AGAP1: variants seen among roughly 807,000 people sequenced by gnomAD.
The protein encoded by AGAP1 is ArfGAP with GTPase domain, ankyrin repeat and PH domain 1.
In AGAP1, 29 loss-of-function variants were observed where a neutral mutation model predicts 105.3. The ratio of observed to expected loss-of-function variants is 0.28; its 90% CI spans 0.21 to 0.38. The LOEUF (loss-of-function observed/expected upper bound fraction) is 0.38. AGAP1 is among the 10% of genes least tolerant of loss of function. AGAP1 has a pLI of 1.00. For synonymous variants in AGAP1, 509 were observed against 485.9 expected, an observed-to-expected ratio of 1.05 and a Z score of -0.63; for missense variants, 998 against 1,165.1, an observed-to-expected ratio of 0.86 and a Z score of 2.09.
At chr2:235,730,477 TAA>T (rs11388954) in intron 3 of AGAP1, among the ~76,000 whole-genome samples, 11 of 123,868 alleles carry the variant, frequency 8.9e-5, no homozygotes, top group Non-Finnish European at 1.3e-4. Context: ...GTTTACCTTT[TAA>T]AAAAAAAAAA....
chr2:235,535,798 C>G lies in AGAP1; in HGVS notation c.163+40949C>G, dbSNP rs958460316. ...GCAGTGGGCTCAGTCTCTGCATAGC[C>G]CGGCAGGCAGCGGCTCTGCTTTCCA... On this transcript the variant is annotated intron_variant, in intron 1 of 17. Coordinates refer to ENST00000304032, the MANE Select transcript of AGAP1 (RefSeq NM_001037131.3). This position sits in a 1 kb window ranked among gnomAD's most constrained non-coding sequence, Gnocchi z 5.1. 2.6e-5 allele frequency among the ~76,000 whole-genome samples: 4 copies of G among 151,944 alleles called. No homozygotes were observed. The highest frequency in any genetic ancestry group is 6.6e-5 in the Admixed American group (1 of 15,252).
chr2:236,025,911 GAT>G (rs2057037151), intron 13 of AGAP1, among the ~76,000 whole-genome samples: 34 of 146,914 alleles, frequency 2.3e-4, no homozygotes, highest in African/African-American at 5.1e-4. Context: ...CGGGTGGGTG[GAT>G]GGATGGATGG....
chr2:236,022,865 T>C (rs1465491117), intron 13 of AGAP1, among the ~76,000 whole-genome samples: 2 of 152,196 alleles, frequency 1.3e-5, no homozygotes, highest in African/African-American at 2.4e-5. Context: ...ATCAGTCTTT[T>C]CCTACAAAAA....
intron 9 of AGAP1, among the ~76,000 whole-genome samples, chr2:235,835,207 C>G (rs1959992153): frequency 6.6e-6 from 1 of 152,172 alleles, no homozygotes; most frequent in South Asian, 2.1e-4. Flanking sequence ...TGGATTTTGT[C>G]ACTCCTTCAG....
At position 236,121,827 on chromosome 2, in the gene AGAP1, G is replaced by A. The variant is rs1559296909; in HGVS notation, c.2370+1380G>A. 6.6e-6 allele frequency among the ~76,000 whole-genome samples: 1 copy of A among 152,188 alleles called. No individual in the cohort carries two copies. Among genetic ancestry groups the A allele is most frequent in the Non-Finnish European group, 1.5e-5 (1 of 68,040 alleles). ...ACAGTTCTGGAGGCTGGAAGTACAA[G>A]ATCAAAGGGCCAGCAGGAATGGTTC... On this transcript the variant is annotated intron_variant, in intron 17 of 17. Coordinates refer to ENST00000304032, the MANE Select transcript of AGAP1 (RefSeq NM_001037131.3). This position sits in a 1 kb window ranked among gnomAD's most constrained non-coding sequence, Gnocchi z 4.9.
chr2:235,561,803 G>A (rs1024470543), intron 1 of AGAP1, among the ~76,000 whole-genome samples: 4 of 152,188 alleles, frequency 2.6e-5, no homozygotes, highest in Non-Finnish European at 5.9e-5. Flanking sequence ...TGACAGATCG[G>A]AGCCTAAGCC....
chr2:235,714,947 G>GCCA lies in AGAP1; in HGVS notation c.223-2605_223-2603dup, dbSNP rs1431209190. ...TGAGTAGCTGGGACTACAGGCGTGT[G>GCCA]CCACCACGCCTTGTTATTTTTTTGT... On this transcript the variant is annotated intron_variant, in intron 2 of 17. Coordinates refer to ENST00000304032, the MANE Select transcript of AGAP1 (RefSeq NM_001037131.3). This position sits in a 1 kb window ranked among gnomAD's most constrained non-coding sequence, Gnocchi z 4.1. Among the ~76,000 whole-genome samples, 1 of 152,082 alleles carries GCCA rather than the reference G, an allele frequency of 6.6e-6. No homozygotes were observed. The highest frequency in any genetic ancestry group is 1.5e-5 in the Non-Finnish European group (1 of 68,014).
At chr2:235,861,456 G>A (rs2048924599) in intron 9 of AGAP1, among the ~76,000 whole-genome samples, 1 of 152,202 alleles carries the variant, frequency 6.6e-6, no homozygotes, top group South Asian at 2.1e-4. Flanking sequence ...CTTGTTGATA[G>A]CAACAGCATG....
Position 236,055,953 on chromosome 2 carries a change from T to C in AGAP1, c.2114+6672T>C, listed in dbSNP as rs2058040916. Among the ~76,000 whole-genome samples, 1 of 152,188 alleles carries C rather than the reference T, an allele frequency of 6.6e-6. No individual in the cohort carries two copies. The highest frequency in any genetic ancestry group is 1.5e-5 in the Non-Finnish European group (1 of 68,044). ...GATCAGAAATATTCTGCTATAAATA[T>C]TAAGCCAATTAGGAAAATGTACAAA... On this transcript the variant is annotated intron_variant, in intron 16 of 17. Coordinates refer to ENST00000304032, the MANE Select transcript of AGAP1 (RefSeq NM_001037131.3). This position sits in a 1 kb window ranked among gnomAD's most constrained non-coding sequence, Gnocchi z 6.2.
In AGAP1 at chr2:235,992,393, A is replaced by G. The variant is rs952566316; in HGVS notation, c.1645+23770A>G. 1.3e-5 allele frequency among the ~76,000 whole-genome samples: 2 copies of G among 152,258 alleles called. No individual in the cohort carries two copies. The highest frequency in any genetic ancestry group is 2.1e-4 in the South Asian group (1 of 4,820). On this transcript the variant is annotated intron_variant, in intron 13 of 17. Coordinates refer to ENST00000304032, the MANE Select transcript of AGAP1 (RefSeq NM_001037131.3). This position sits in a 1 kb window ranked among gnomAD's most constrained non-coding sequence, Gnocchi z 4.8. The stretch of plus-strand genomic sequence containing the variant: ...CAAGACTGTTGTCAGGATTCACTCA[A>G]TGAACTCCTGTGCTTTGAGTGTCTG...
chr2:235,765,692 ATTCCAAGC>A lies in AGAP1; in HGVS notation c.673+15205_673+15212del, dbSNP rs540324205. On this transcript the variant is annotated intron_variant, in intron 6 of 17. Transcript: ENST00000304032. ...CTGTGACTCATCCCCAGCCAACTGT[ATTCCAAGC>A]ACAGCCATAGTTCAGAGTGAATCTT... 8.2e-4 allele frequency among the ~76,000 whole-genome samples: 125 copies of A among 152,306 alleles called. 2 individuals carry two copies. In the East Asian group the frequency reaches 0.019, roughly 24 times the overall value.
rs535744502 is a variant in AGAP1 at position 236,049,704 on chromosome 2, T to C, written c.2114+423T>C. On this transcript the variant is annotated intron_variant, in intron 16 of 17. Transcript: ENST00000304032. ...CCCGCACCATCACACAAAAGTTATTTTTATGGTAACAAAATCTATTTTATT... is the reference window on the plus strand; with the variant it reads ...CCCGCACCATCACACAAAAGTTATTCTTATGGTAACAAAATCTATTTTATT... The C allele has an allele frequency of 3.0e-4, 46 of 154,098 alleles. 1 individual carries two copies. In the Middle Eastern group the frequency reaches 0.01, roughly 34 times the overall value. 9.5% of individuals were successfully genotyped at this position (154,098 alleles called of 1,614,324 possible).
intron 9 of AGAP1, among the ~76,000 whole-genome samples, chr2:235,836,375 T>C (rs886825075): frequency 2.0e-5 from 3 of 152,166 alleles, no homozygotes; most frequent in East Asian, 1.9e-4. Context: ...GCAGAATCCT[T>C]TGGGGGCCGA....
rs2057966990 is a variant in AGAP1, at chr2:236,053,479, T to A, written c.2114+4198T>A. 6.6e-6 allele frequency among the ~76,000 whole-genome samples: 1 copy of A among 152,376 alleles called. No homozygotes were observed. The highest frequency in any genetic ancestry group is 2.1e-4 in the South Asian group (1 of 4,826). On this transcript the variant is annotated intron_variant, in intron 16 of 17. Coordinates refer to ENST00000304032, the MANE Select transcript of AGAP1 (RefSeq NM_001037131.3). This position sits in a 1 kb window ranked among gnomAD's most constrained non-coding sequence, Gnocchi z 4.6. ...TTTCCGGGGCTGCACGGCAGCGCCC[T>A]GGCCCGTTGTTCTTTATTGTTGTCC...
intron 9 of AGAP1, among the ~76,000 whole-genome samples, chr2:235,816,363 G>C (rs1269837353): frequency 6.6e-6 from 1 of 150,556 alleles, no homozygotes; most frequent in African/African-American, 2.4e-5. Flanking sequence ...GCATGAACCC[G>C]GGAGGCGGAG....
At chr2:235,646,454 A>G (rs866204935) in intron 1 of AGAP1, among the ~76,000 whole-genome samples, 57 of 152,158 alleles carry the variant, frequency 3.7e-4, no homozygotes, top group Admixed American at 9.8e-4. Flanking sequence ...ACATTCTAAG[A>G]TGTGCCTCAG....
At chr2:235,537,677 T>C (rs1943285659) in intron 1 of AGAP1, among the ~76,000 whole-genome samples, 1 of 152,230 alleles carries the variant, frequency 6.6e-6, no homozygotes, top group East Asian at 1.9e-4. Flanking sequence ...CTTTCACACT[T>C]AAATTGTTGA....
rs888740835 is a variant in AGAP1, at chr2:235,609,384, G to A, written c.164-99795G>A. 4.6e-5 allele frequency among the ~76,000 whole-genome samples: 7 copies of A among 152,246 alleles called. No homozygotes were observed. The highest frequency in any genetic ancestry group is 3.9e-4 in the East Asian group (2 of 5,162). ...GGGCAGGGAGAGCTTCAGAATGAGCGGGAAGCCTCCACAACAGGTGGAGAA... is the reference window on the plus strand; with the variant it reads ...GGGCAGGGAGAGCTTCAGAATGAGCAGGAAGCCTCCACAACAGGTGGAGAA... On this transcript the variant is annotated intron_variant, in intron 1 of 17. Transcript: ENST00000304032. This position sits in a 1 kb window ranked among gnomAD's most constrained non-coding sequence, Gnocchi z 5.1.
At chr2:235,918,588 T>C (rs1342917725) in intron 11 of AGAP1, among the ~76,000 whole-genome samples, 1 of 152,228 alleles carries the variant, frequency 6.6e-6, no homozygotes, top group Admixed American at 6.5e-5. Context: ...TGTGGTATTG[T>C]TTCCATCATT....
Sources: allele counts gnomAD v4.1 joint callset (sites outside exome capture counted in the v4.1 genomes callset), GRCh38; gene constraint gnomAD v4.1.1; non-coding constraint Gnocchi (gnomAD v3.1); transcripts MANE v1.5; gene names NCBI Gene and HGNC (gene_info 2026-07-23, HGNC 2026-07-21).